NRXN2: variants seen among roughly 807,000 people sequenced by gnomAD.
NRXN2 encodes the protein neurexin-2-beta.
In NRXN2, 29 loss-of-function variants were observed where a neutral mutation model predicts 128.8. The ratio of observed to expected loss-of-function variants is 0.23; its 90% confidence interval spans 0.17 to 0.31. NRXN2 has a LOEUF of 0.31. NRXN2 is among the 10% of genes least tolerant of loss of function. The pLI, the probability that NRXN2 is intolerant of heterozygous loss-of-function variation, is 1.00. For synonymous variants in NRXN2, 1,098 were observed against 1,075.2 expected, an observed-to-expected ratio of 1.02 and a Z score of -0.41; for missense variants, 1,881 against 2,452.6, an observed-to-expected ratio of 0.77 and a Z score of 4.92.
chr11:64,641,843 G>A (rs1272679473), intron 17 of NRXN2, among the ~76,000 whole-genome samples: 1 of 152,010 alleles, frequency 6.6e-6, no homozygotes, highest in Non-Finnish European at 1.5e-5. Context: ...TAGAGACAGA[G>A]CAGAGATGAG....
At position 64,651,369 on chromosome 11, in the gene NRXN2, T is replaced by A; in HGVS notation, c.2804A>T (p.Gln935Leu). The A allele has an allele frequency of 6.2e-7, 1 of 1,614,146 alleles. No individual in the cohort carries two copies. The highest frequency in any genetic ancestry group is 8.5e-7 in the Non-Finnish European group (1 of 1,180,016). Residue 935 changes from glutamine (Q) to leucine (L), a missense_variant, in exon 14 of 23, where the codon CAA becomes CTA. Transcript: ENST00000265459. The surrounding 1 kb of genome is among the most constrained non-coding windows in gnomAD (Gnocchi z 5.9). Reference protein sequence around the residue: ...RSSYLALATLQAYASMHLFFQ... With the variant: ...RSSYLALATLLAYASMHLFFQ... ...GAAGAGGTGCATGGAAGCATAGGCT[T>A]GGAGCGTGGCGAGTGCCAGGTAGCT...
At chr11:64,683,619 CAAAAAA>C (rs146075955) in intron 6 of NRXN2, among the ~76,000 whole-genome samples, 1 of 75,682 alleles carries the variant, frequency 1.3e-5, no homozygotes, top group African/African-American at 3.5e-5. Context: ...GACTCCATCT[CAAAAAA>C]AAAAAAAAAA....
chr11:64,693,399 G>A (rs556052076), intron 3 of NRXN2, among the ~76,000 whole-genome samples: 9 of 150,902 alleles, frequency 6.0e-5, no homozygotes, highest in Non-Finnish European at 1.3e-4. Context: ...AATAAAACAC[G>A]ACACAAAAAT....
chr11:64,626,385 G>T lies in NRXN2; in HGVS notation c.3847+78C>A. The stretch of plus-strand genomic sequence containing the variant: ...GGTGGGCATTGGTGAAGGCACGGAG[G>T]GGGAAAGAGAGAGCTCTGCACCTTT... On this transcript the variant is annotated intron_variant, in intron 20 of 22. Transcript: ENST00000265459. 7.5e-6 allele frequency: 9 copies of T among 1,197,722 alleles called. 1 individual carries two copies. In the South Asian group the frequency reaches 1.1e-4, roughly 15 times the overall value. 74.2% of individuals were successfully genotyped at this position (1,197,722 alleles called of 1,614,324 possible).
intron 2 of NRXN2, among the ~76,000 whole-genome samples, chr11:64,709,970 C>T (rs939991345): frequency 1.8e-4 from 27 of 149,160 alleles, no homozygotes; most frequent in Admixed American, 1.3e-4. Context: ...TGCAGTGGTG[C>T]CATCTCAGCT....
chr11:64,667,785 C>A lies in NRXN2; in HGVS notation c.1360-97G>T. ...GCGAGCACCAGGGGACCCAGCCACC[C>A]ACCCCTGTAGCCCCTGCTCAGTTCC... On this transcript the variant is annotated intron_variant, in intron 8 of 22. Transcript: ENST00000265459. This position sits in a 1 kb window ranked among gnomAD's most constrained non-coding sequence, Gnocchi z 5.6. 8.7e-7 allele frequency: 1 copy of A among 1,146,860 alleles called. No homozygotes were observed. The allele number at this position is 1,146,860 out of a possible 1,614,324, so 71.0% of individuals were successfully genotyped here. A position where few individuals can be genotyped will look rare whatever the true frequency, so the allele number is the denominator to read the frequency against.
rs1442150981 is a variant in NRXN2, at chr11:64,648,905, C to T, written c.3112G>A (p.Glu1038Lys). The change falls in exon 16 of 23, where the codon GAG becomes AAG. Residue 1038 changes from glutamate (E) to lysine (K), a missense_variant and splice_region_variant. Physicochemically the swap from Glu to Lys is moderately conservative, Grantham distance 56. Around this residue, in one of 7 missense-constraint regions of NRXN2, gnomAD observed 390 missense variants for 599.6 expected, o/e 0.65. Coordinates refer to ENST00000265459, the MANE Select transcript of NRXN2 (RefSeq NM_015080.4). This position sits in a 1 kb window ranked among gnomAD's most constrained non-coding sequence, Gnocchi z 4.1. The part of the protein sequence containing the change: ...NGARNLDLKG[E>K]LYIGGLSKNM... ...TTGCTCAGACCGCCAATGTACAACT[C>T]CCCTGCAAAGGGAGTGGGTCAACCA... The T allele has an allele frequency of 6.2e-7, 1 of 1,614,156 alleles. No individual in the cohort carries two copies. The highest frequency in any genetic ancestry group is 1.1e-5 in the South Asian group (1 of 91,082).
chr11:64,680,988 T>G (rs778899038), intron 6 of NRXN2, among the ~76,000 whole-genome samples: 6 of 150,708 alleles, frequency 4.0e-5, no homozygotes, highest in Non-Finnish European at 8.8e-5. Context: ...TCCCAGCTAC[T>G]CAGGAGGCTG....
At chr11:64,647,890 A>G (rs1247185301) in intron 17 of NRXN2, among the ~76,000 whole-genome samples, 1 of 152,260 alleles carries the variant, frequency 6.6e-6, no homozygotes, top group Non-Finnish European at 1.5e-5. Context: ...TACACAGGAC[A>G]GCAGCAAGTT....
intron 7 of NRXN2, among the ~76,000 whole-genome samples, chr11:64,670,867 C>CTTT (rs1053633937): frequency 5.9e-5 from 9 of 152,166 alleles, no homozygotes; most frequent in Non-Finnish European, 1.3e-4. Context: ...AGAATCTCCT[C>CTTT]TTTTGGCCTT....
At chr11:64,711,334 G>C (rs1009356933) in intron 2 of NRXN2, among the ~76,000 whole-genome samples, 1 of 152,322 alleles carries the variant, frequency 6.6e-6, no homozygotes, top group Non-Finnish European at 1.5e-5. Context: ...GGGAGAGAAC[G>C]TCAGGCCTGA....
intron 2 of NRXN2, among the ~76,000 whole-genome samples, chr11:64,702,696 C>T (rs1383495901): frequency 2.0e-5 from 3 of 149,946 alleles, no homozygotes; most frequent in Non-Finnish European, 4.5e-5. Flanking sequence ...CTAGGAAAAC[C>T]AGAGACCTTT....
chr11:64,656,374 G>A (rs923476693), intron 11 of NRXN2, among the ~76,000 whole-genome samples: 2 of 93,250 alleles, frequency 2.1e-5, no homozygotes, highest in Non-Finnish European at 4.0e-5. Flanking sequence ...ATTCCAAGGG[G>A]CAGAACTAAC....
At chr11:64,621,024 G>A (rs1484878472) in intron 21 of NRXN2, among the ~76,000 whole-genome samples, 1 of 152,006 alleles carries the variant, frequency 6.6e-6, no homozygotes, top group Non-Finnish European at 1.5e-5. Flanking sequence ...GGAGACCCAA[G>A]GAGGGAAATC....
intron 1 of NRXN2, among the ~76,000 whole-genome samples, chr11:64,718,542 T>C (rs1393842473): frequency 1.3e-5 from 2 of 152,124 alleles, no homozygotes; most frequent in Non-Finnish European, 2.9e-5. Context: ...ACTTGCTGGC[T>C]GGCAATCTAA....
Position 64,667,438 on chromosome 11 carries a change from C to A in NRXN2, c.1610G>T (p.Arg537Leu). The stretch of plus-strand genomic sequence containing the variant: ...GTGGCTGCCAGCTCCACCCCCAGCC[C>A]GCCGGCCCTGGCTGAAGAGCAGCAG... ...NGLLLFSQGR[R>L]AGGGAGSHSS... Residue 537 changes from arginine to leucine, a missense_variant, in exon 9 of 23, where the codon CGG becomes CTG. Physicochemically the swap from Arg to Leu is moderately radical, Grantham distance 102. This residue lies in a region of NRXN2 where 997 missense variants were observed against 1,240.8 expected (regional missense o/e 0.80). Transcript: ENST00000265459. This position sits in a 1 kb window ranked among gnomAD's most constrained non-coding sequence, Gnocchi z 5.6. The A allele has an allele frequency of 6.2e-7, 1 of 1,614,116 alleles. No homozygotes were observed. Among genetic ancestry groups the A allele is most frequent in the Non-Finnish European group, 8.5e-7 (1 of 1,180,008 alleles).
chr11:64,646,735 C>T (rs543705121), intron 17 of NRXN2, among the ~76,000 whole-genome samples: 1 of 152,332 alleles, frequency 6.6e-6, no homozygotes, highest in African/African-American at 2.4e-5. Context: ...TTACCATCAT[C>T]TCCAGATCTG....
Position 64,635,537 on chromosome 11 carries a change from T to C in NRXN2, c.3404-85A>G. 7 of 1,427,890 alleles carry C rather than the reference T, an allele frequency of 4.9e-6. No homozygotes were observed. The highest frequency in any genetic ancestry group is 6.8e-6 in the Non-Finnish European group (7 of 1,032,106). The allele number at this position is 1,427,890 out of a possible 1,614,324, so 88.5% of individuals were successfully genotyped here. On this transcript the variant is annotated intron_variant, in intron 17 of 22. Transcript: ENST00000265459. This position sits in a 1 kb window ranked among gnomAD's most constrained non-coding sequence, Gnocchi z 4.8. ...GTCCTCAGGGTTGTGACCAGAGGGA[T>C]GGAACCCCAGGTCTAGATGTGGGAC...
chr11:64,713,109 C>G lies in NRXN2; in HGVS notation c.591G>C (p.Leu197=). 1 of 1,365,424 alleles carries G rather than the reference C, an allele frequency of 7.3e-7. No individual in the cohort carries two copies. Among genetic ancestry groups the G allele is most frequent in the Non-Finnish European group, 9.4e-7 (1 of 1,062,820 alleles). 84.6% of individuals were successfully genotyped at this position (1,365,424 alleles called of 1,614,324 possible). A position where few individuals can be genotyped will look rare whatever the true frequency, so the allele number is the denominator to read the frequency against. The change falls in exon 2 of 23, where the codon CTG becomes CTC. Residue 197 remains leucine (L), a synonymous_variant. Coordinates refer to ENST00000265459, the MANE Select transcript of NRXN2 (RefSeq NM_015080.4). Reference sequence around the variant, plus strand: ...ACAGCGGGTCGGCGGTGGCGCCGCGCAGGCCCTGGCTGCCCAGCAGCGCGG... The same window carrying G: ...ACAGCGGGTCGGCGGTGGCGCCGCGGAGGCCCTGGCTGCCCAGCAGCGCGG... ...RPPALLGSQG[L]RGATADPLCA... is the part of the protein sequence containing the mutation.
Sources: allele counts gnomAD v4.1 joint callset (sites outside exome capture counted in the v4.1 genomes callset), GRCh38; gene constraint gnomAD v4.1.1; regional missense constraint gnomAD v4.1.1; non-coding constraint Gnocchi (gnomAD v3.1); transcripts MANE v1.5; gene names NCBI Gene and HGNC (gene_info 2026-07-23, HGNC 2026-07-21).